RCAN2: variants seen among roughly 807,000 people sequenced by gnomAD.
RCAN2 encodes the protein regulator of calcineurin 2, also known as calcipressin-2.
Under a neutral mutation model 23.6 loss-of-function variants are expected in RCAN2, and 9 were observed. That is an observed-to-expected ratio of 0.38 (90% confidence interval 0.23 to 0.67). RCAN2 has a LOEUF of 0.67. Ranked by LOEUF, RCAN2 falls within the 30% of genes least tolerant of loss-of-function variation. The pLI is 0.51. For missense variants in RCAN2, 273 were observed against 302.3 expected, an observed-to-expected ratio of 0.90 and a Z score of 0.72; for synonymous variants, 109 against 115.7, an observed-to-expected ratio of 0.94 and a Z score of 0.37.
intron 2 of RCAN2, among the ~76,000 whole-genome samples, chr6:46,276,906 G>A (rs1457459351): frequency 6.6e-6 from 1 of 152,196 alleles, no homozygotes; most frequent in Non-Finnish European, 1.5e-5. Context: ...GTGAGTGGCA[G>A]CCTCCAAACA....
chr6:46,288,450 T>C (rs1325281020), intron 2 of RCAN2, among the ~76,000 whole-genome samples: 2 of 152,228 alleles, frequency 1.3e-5, no homozygotes, highest in South Asian at 2.1e-4. Flanking sequence ...GATCTTGAGT[T>C]CACCCACCTT....
intron 2 of RCAN2, among the ~76,000 whole-genome samples, chr6:46,317,416 T>A (rs1322740183): frequency 2.6e-5 from 4 of 152,172 alleles, no homozygotes; most frequent in African/African-American, 9.6e-5. Context: ...CAATGTCTTA[T>A]CTTCCCAGCT....
intron 4 of RCAN2, among the ~76,000 whole-genome samples, chr6:46,226,961 A>G (rs1260251910): frequency 6.6e-6 from 1 of 152,186 alleles, no homozygotes; most frequent in Non-Finnish European, 1.5e-5. Context: ...GATATGTTCC[A>G]TCAATACCTA....
At chr6:46,315,697 G>A (rs1414563967) in intron 2 of RCAN2, among the ~76,000 whole-genome samples, 1 of 152,032 alleles carries the variant, frequency 6.6e-6, no homozygotes, top group Non-Finnish European at 1.5e-5. Context: ...ATTCTGGTGG[G>A]GTCAGGGAGG....
At chr6:46,249,263 G>A (rs1290994683) in intron 2 of RCAN2, among the ~76,000 whole-genome samples, 1 of 150,332 alleles carries the variant, frequency 6.7e-6, no homozygotes, top group East Asian at 2.0e-4. Flanking sequence ...AAAGCATATG[G>A]TAAATATTGT....
At chr6:46,432,508 C>T (rs748982612) in intron 2 of RCAN2, among the ~76,000 whole-genome samples, 13 of 151,986 alleles carry the variant, frequency 8.6e-5, no homozygotes, top group Admixed American at 5.9e-4. Flanking sequence ...CCACCACACC[C>T]GGCCTATCTT....
intron 2 of RCAN2, among the ~76,000 whole-genome samples, chr6:46,353,695 C>T (rs1764737266): frequency 6.6e-6 from 1 of 152,130 alleles, no homozygotes; most frequent in African/African-American, 2.4e-5. Flanking sequence ...CCTATTTCAA[C>T]TCTTTTTAAA....
chr6:46,223,386 G>A (rs1383095624), intron 4 of RCAN2, 85 bp from the exon 5 acceptor site: 7 of 1,314,506 alleles, frequency 5.3e-6, no homozygotes, highest in South Asian at 2.6e-5. Context: ...GAAATGACAG[G>A]AGCATTTTCC....
At chr6:46,449,217 A>T (rs1767804135) in intron 2 of RCAN2, among the ~76,000 whole-genome samples, 1 of 151,614 alleles carries the variant, frequency 6.6e-6, no homozygotes, top group South Asian at 2.1e-4. Context: ...AAGAAAACCA[A>T]CCAAATTACA....
chr6:46,457,778 G>A (rs1053335168), intron 1 of RCAN2, among the ~76,000 whole-genome samples: 2 of 152,180 alleles, frequency 1.3e-5, no homozygotes, highest in African/African-American at 4.8e-5. Flanking sequence ...AATCCATGGT[G>A]CACAGGTCCC....
intron 2 of RCAN2, among the ~76,000 whole-genome samples, chr6:46,365,693 T>C (rs1009931097): frequency 1.1e-4 from 16 of 152,186 alleles, no homozygotes; most frequent in East Asian, 1.9e-4. Context: ...TTTTATAGTC[T>C]CAAATTTTAT....
chr6:46,447,663 A>T (rs761381030), intron 2 of RCAN2, among the ~76,000 whole-genome samples: 1 of 151,966 alleles, frequency 6.6e-6, no homozygotes, highest in Admixed American at 6.5e-5. Flanking sequence ...AAACTACAGT[A>T]GTATATAAAA....
intron 2 of RCAN2, among the ~76,000 whole-genome samples, chr6:46,308,299 T>G (rs1029756406): frequency 6.6e-6 from 1 of 152,214 alleles, no homozygotes; most frequent in African/African-American, 2.4e-5. Flanking sequence ...ACTCAATGTA[T>G]GTTAGACATT....
At chr6:46,332,062 A>C (rs1763992058) in intron 2 of RCAN2, among the ~76,000 whole-genome samples, 1 of 152,214 alleles carries the variant, frequency 6.6e-6, no homozygotes. Flanking sequence ...TCTTACAGTC[A>C]TTTAGAATAG....
chr6:46,262,660 T>C (rs1374533950), intron 2 of RCAN2, among the ~76,000 whole-genome samples: 1 of 152,102 alleles, frequency 6.6e-6, no homozygotes, highest in East Asian at 1.9e-4. Flanking sequence ...TATAAAATTC[T>C]TTAGTGGCTC....
chr6:46,348,567 T>C (rs957379766), intron 2 of RCAN2, among the ~76,000 whole-genome samples: 25 of 152,196 alleles, frequency 1.6e-4, no homozygotes, highest in Admixed American at 3.3e-4. Flanking sequence ...TCATTCTGTC[T>C]ATGGGAATCA....
At chr6:46,251,811 C>T (rs1394408374) in intron 2 of RCAN2, among the ~76,000 whole-genome samples, 1 of 152,006 alleles carries the variant, frequency 6.6e-6, no homozygotes. Flanking sequence ...TAGAAGGCTC[C>T]AGGCACCAAC....
At chr6:46,389,135 G>C (rs1765855432) in intron 2 of RCAN2, among the ~76,000 whole-genome samples, 1 of 150,432 alleles carries the variant, frequency 6.6e-6, no homozygotes, top group African/African-American at 2.4e-5. Context: ...TTATTTAAAA[G>C]AAAAAAAAAT....
chr6:46,455,952 G>C (rs1452487328), intron 2 of RCAN2, among the ~76,000 whole-genome samples: 1 of 151,206 alleles, frequency 6.6e-6, no homozygotes, highest in Non-Finnish European at 1.5e-5. Context: ...TAGTATAATA[G>C]TGGCTTTTAC....
Sources: allele counts gnomAD v4.1 joint callset (sites outside exome capture counted in the v4.1 genomes callset), GRCh38; gene constraint gnomAD v4.1.1; transcripts MANE v1.5; gene names NCBI Gene and HGNC (gene_info 2026-07-23, HGNC 2026-07-21).